TMEM50B: variants seen among roughly 807,000 people sequenced by gnomAD.
TMEM50B encodes transmembrane protein 50B.
Under a neutral mutation model 23.4 loss-of-function variants are expected in TMEM50B, and 14 were observed. That is an observed-to-expected ratio of 0.60 (90% CI 0.39 to 0.93). The LOEUF (loss-of-function observed/expected upper bound fraction) is 0.93, where lower values mean the gene tolerates loss of function less well. Among genes scored for constraint, TMEM50B ranks in the 40% least tolerant of loss-of-function variants. TMEM50B has a pLI of 0.00. For synonymous variants in TMEM50B, 64 were observed against 62.3 expected (o/e 1.03, Z -0.13); for missense variants, 159 against 193.0 (o/e 0.82, Z 1.04).
chr21:33,460,365 G>T, intron 5 of TMEM50B, 48 bp downstream of exon 5: 1 of 1,204,912 alleles, frequency 8.3e-7, no homozygotes, highest in Non-Finnish European at 1.2e-6. Flanking sequence ...AAATATAAAA[G>T]ACATATCTGA....
chr21:33,448,517 G>C (rs1174051868), downstream of TMEM50B, among the ~76,000 whole-genome samples: 1 of 151,622 alleles, frequency 6.6e-6, no homozygotes, highest in East Asian at 2.0e-4. Context: ...GTCTTGCTCT[G>C]TTGCCCAGAC....
intron 6 of TMEM50B, among the ~76,000 whole-genome samples, chr21:33,454,996 A>G (rs543946267): frequency 5.9e-5 from 9 of 152,228 alleles, no homozygotes; most frequent in African/African-American, 1.9e-4. Flanking sequence ...GTGCACCTGT[A>G]GTCCCACCTA....
chr21:33,447,051 G>A (rs1394203114), downstream of TMEM50B: 2 of 150,232 alleles, frequency 1.3e-5, no homozygotes, highest in African/African-American at 2.5e-5. Flanking sequence ...GCTGAGGCAC[G>A]AGAACCATTT....
chr21:33,462,512 A>C (rs2084225927), intron 4 of TMEM50B, among the ~76,000 whole-genome samples: 1 of 152,152 alleles, frequency 6.6e-6, no homozygotes, highest in Non-Finnish European at 1.5e-5. Flanking sequence ...TCCTATAAAA[A>C]ACAGATAATA....
At chr21:33,448,804 A>G (rs2084090016), downstream of TMEM50B, 1 of 151,988 alleles carries the variant, frequency 6.6e-6, no homozygotes, top group East Asian at 1.9e-4. Context: ...CTGCTTGGAA[A>G]GCGGAGGTAA....
At chr21:33,436,871 A>G in intron 8 of TMEM50B, 1 of 1,614,122 alleles carries the variant, frequency 6.2e-7, no homozygotes, top group Non-Finnish European at 8.5e-7. Context: ...GCCTTGGACA[A>G]GGACAGCTCA....
Position 33,450,591 on chromosome 21 carries a change from T to C in TMEM50B, c.*227A>G. 5.0e-6 allele frequency: 2 copies of C among 399,666 alleles called. No individual in the cohort carries two copies. The highest frequency in any genetic ancestry group is 9.0e-6 in the Non-Finnish European group (2 of 221,134). The allele number at this position is 399,666 out of a possible 1,614,324, so 24.8% of individuals were successfully genotyped here. On this transcript the variant is annotated 3_prime_UTR_variant, in exon 7 of 7. Transcript: ENST00000542230. ...CTAAATCTCAGGAATAAAAAACTGATACTCATTATCCAATTCATATAGTCT... is the reference window on the plus strand; with the variant it reads ...CTAAATCTCAGGAATAAAAAACTGACACTCATTATCCAATTCATATAGTCT...
chr21:33,439,363 G>A (rs552797196), intron 7 of TMEM50B: 2 of 151,892 alleles, frequency 1.3e-5, no homozygotes, highest in African/African-American at 4.8e-5. Context: ...CTCTGTTAGG[G>A]TAAGTGCATC....
chr21:33,470,449 C>T (rs916624551), intron 1 of TMEM50B, among the ~76,000 whole-genome samples: 85 of 81,502 alleles, frequency 1.0e-3, no homozygotes, highest in African/African-American at 2.9e-3. Flanking sequence ...AAAAAAAAAT[C>T]GGCTAGGCTC....
intron 5 of TMEM50B, among the ~76,000 whole-genome samples, chr21:33,458,959 C>T (rs1266794546): frequency 6.6e-6 from 1 of 152,154 alleles, no homozygotes; most frequent in Non-Finnish European, 1.5e-5. Context: ...TTCCAAAGAT[C>T]TTATACTGAT....
chr21:33,434,060 T>C (rs73195827), intron 8 of TMEM50B, among the ~76,000 whole-genome samples: 1 of 152,246 alleles, frequency 6.6e-6, no homozygotes, highest in Non-Finnish European at 1.5e-5. Context: ...CAGTGGGTAT[T>C]GCTAATATTT....
intron 8 of TMEM50B, among the ~76,000 whole-genome samples, chr21:33,435,694 C>A (rs2083939348): frequency 6.6e-6 from 1 of 151,728 alleles, no homozygotes; most frequent in African/African-American, 2.4e-5. Flanking sequence ...ACCATCCTGG[C>A]CAACAGGGTG....
chr21:33,457,886 G>A (rs1378011437), intron 5 of TMEM50B, among the ~76,000 whole-genome samples: 5 of 151,950 alleles, frequency 3.3e-5, no homozygotes, highest in African/African-American at 7.3e-5. Context: ...TTACGTAAAC[G>A]AACTGAAACC....
At chr21:33,438,768 C>T (rs1385181983) in intron 8 of TMEM50B, among the ~76,000 whole-genome samples, 7 of 151,010 alleles carry the variant, frequency 4.6e-5, no homozygotes, top group Non-Finnish European at 7.4e-5. Context: ...CTCACTCTGT[C>T]GCCCAGGCTG....
chr21:33,454,061 C>CCA (rs1748614453), intron 6 of TMEM50B, among the ~76,000 whole-genome samples: 2 of 144,934 alleles, frequency 1.4e-5, no homozygotes, highest in South Asian at 4.3e-4. Context: ...TGAGATTGCA[C>CCA]CACTGCACAT....
intron 6 of TMEM50B, among the ~76,000 whole-genome samples, chr21:33,455,512 T>A (rs1436071268): frequency 2.0e-5 from 3 of 152,140 alleles, no homozygotes; most frequent in African/African-American, 7.2e-5. Flanking sequence ...GGGTAAAATA[T>A]ATAAAGGATC....
intron 4 of TMEM50B, 103 bp downstream of exon 4, chr21:33,465,239 A>G (rs1357090706): frequency 1.4e-6 from 1 of 732,074 alleles, no homozygotes. Flanking sequence ...AATATTCTAT[A>G]TAATCATTAC....
chr21:33,454,299 AATT>A (rs1013672727), intron 6 of TMEM50B, among the ~76,000 whole-genome samples: 2 of 151,876 alleles, frequency 1.3e-5, no homozygotes, highest in Non-Finnish European at 2.9e-5. Context: ...ACTATGTATT[AATT>A]ATTATTATTA....
At chr21:33,476,864 C>A (rs2084378257) in intron 1 of TMEM50B, among the ~76,000 whole-genome samples, 1 of 151,532 alleles carries the variant, frequency 6.6e-6, no homozygotes, top group South Asian at 2.1e-4. Flanking sequence ...TTGAAACTTA[C>A]CCTAGAACGA....
Sources: allele counts gnomAD v4.1 joint callset (sites outside exome capture counted in the v4.1 genomes callset), GRCh38; gene constraint gnomAD v4.1.1; transcripts MANE v1.5; gene names NCBI Gene and HGNC (gene_info 2026-07-23, HGNC 2026-07-21).